Variants in CSMD1 observed in about 807,000 individuals in gnomAD.
The protein encoded by CSMD1 is CUB and sushi domain-containing protein 1.
A neutral mutation model predicts 417.5 loss-of-function variants in CSMD1; 213 were observed. The ratio of observed to expected loss-of-function variants is 0.51; its 90% CI spans 0.46 to 0.57. The LOEUF (loss-of-function observed/expected upper bound fraction) is 0.57, where lower values mean the gene tolerates loss of function less well. Among genes scored for constraint, CSMD1 ranks in the 20% least tolerant of loss-of-function variants. CSMD1 has a pLI of 0.00. For missense variants in CSMD1, 6,923 were observed against 4,529.7 expected (o/e 1.53, Z -15.17); for synonymous variants, 2,862 against 1,736.8 (o/e 1.65, Z -16.11).
intron 1 of CSMD1, among the ~76,000 whole-genome samples, chr8:4,738,534 C>T (rs193253393): frequency 3.1e-4 from 47 of 152,218 alleles, no homozygotes; most frequent in Admixed American, 1.7e-3. Flanking sequence ...CACCTGGCCA[C>T]TCCCATAACA....
intron 3 of CSMD1, among the ~76,000 whole-genome samples, chr8:4,277,567 G>C (rs1243097305): frequency 1.3e-5 from 2 of 152,068 alleles, no homozygotes; most frequent in African/African-American, 4.8e-5. Flanking sequence ...GGATAGAGCT[G>C]CATGTCTATA....
rs1483252217 is a variant in CSMD1 at position 4,855,578 on chromosome 8, TG to T, written c.85+138753del. On this transcript the variant is annotated intron_variant, in intron 1 of 69. Transcript: ENST00000635120. Reference sequence around the variant, plus strand: ...ACCAAGAACTGCTTAAAGGAGCTGATGGAGCTGAAAACCAAGGCGCGAGAAC... The same window carrying T: ...ACCAAGAACTGCTTAAAGGAGCTGATGAGCTGAAAACCAAGGCGCGAGAAC... Among the ~76,000 whole-genome samples the T allele has an allele frequency of 2.0e-5, 3 of 152,122 alleles. No individual in the cohort carries two copies. In the East Asian group the frequency reaches 5.8e-4, roughly 29 times the overall value.
intron 26 of CSMD1, among the ~76,000 whole-genome samples, chr8:3,266,357 G>A (rs1163259188): frequency 6.6e-6 from 1 of 151,882 alleles, no homozygotes; most frequent in Non-Finnish European, 1.5e-5. Flanking sequence ...TGTAATCCCA[G>A]CACTGTGGGA....
chr8:4,699,336 G>C (rs1034942680), intron 1 of CSMD1, among the ~76,000 whole-genome samples: 1 of 152,104 alleles, frequency 6.6e-6, no homozygotes. Flanking sequence ...TACTGCATAA[G>C]AAAATTGTTT....
chr8:3,277,276 G>A (rs529967953), intron 26 of CSMD1, among the ~76,000 whole-genome samples: 2 of 152,138 alleles, frequency 1.3e-5, no homozygotes, highest in Admixed American at 6.5e-5. Context: ...TGAGAAGATA[G>A]GGGAGAGTTC....
chr8:4,581,625 A>G (rs557052265), intron 2 of CSMD1, among the ~76,000 whole-genome samples: 1 of 152,334 alleles, frequency 6.6e-6, no homozygotes, highest in Admixed American at 6.5e-5. Context: ...TTGATTCCTC[A>G]GTGTTAAAAG....
intron 3 of CSMD1, among the ~76,000 whole-genome samples, chr8:4,204,675 G>C (rs977552188): frequency 3.3e-5 from 5 of 152,060 alleles, no homozygotes; most frequent in African/African-American, 7.2e-5. Flanking sequence ...AGTATTTTGA[G>C]ACACAGTTTC....
intron 3 of CSMD1, among the ~76,000 whole-genome samples, chr8:4,045,349 G>A (rs1362649092): frequency 6.6e-6 from 1 of 152,180 alleles, no homozygotes; most frequent in East Asian, 1.9e-4. Flanking sequence ...TATGATATGA[G>A]CAGACGAACG....
chr8:3,598,179 C>A (rs187083123), intron 8 of CSMD1: 38 of 152,232 alleles, frequency 2.5e-4, no homozygotes, highest in African/African-American at 8.7e-4. Context: ...GAAAAGGGAT[C>A]CTGTGGATAT....
intron 2 of CSMD1, among the ~76,000 whole-genome samples, chr8:4,581,435 C>G (rs1371080640): frequency 6.6e-6 from 1 of 152,106 alleles, no homozygotes; most frequent in African/African-American, 2.4e-5. Context: ...CTTGGCAGAT[C>G]TAGCAAGCAG....
At chr8:3,184,472 C>A (rs1438458452) in intron 36 of CSMD1, among the ~76,000 whole-genome samples, 1 of 152,174 alleles carries the variant, frequency 6.6e-6, no homozygotes, top group African/African-American at 2.4e-5. Context: ...CAGCTTTAAT[C>A]TGTCTTCAGT....
intron 3 of CSMD1, among the ~76,000 whole-genome samples, chr8:4,345,740 C>A (rs1157733533): frequency 1.3e-5 from 2 of 151,980 alleles, no homozygotes; most frequent in African/African-American, 4.8e-5. Context: ...AAATGCAAAT[C>A]AGAACTATAA....
intron 2 of CSMD1, among the ~76,000 whole-genome samples, chr8:4,449,816 T>TCC (rs1263726092): frequency 2.6e-5 from 4 of 152,012 alleles, no homozygotes; most frequent in Non-Finnish European, 5.9e-5. Context: ...CCTGCAAGCT[T>TCC]CCCCTCCTAC....
chr8:3,512,922 G>C (rs961988130), intron 10 of CSMD1, among the ~76,000 whole-genome samples: 1 of 151,996 alleles, frequency 6.6e-6, no homozygotes, highest in Non-Finnish European at 1.5e-5. Context: ...TGTAACACGT[G>C]GGCCCGTTGT....
chr8:3,354,437 A>C (rs542409223), intron 21 of CSMD1, among the ~76,000 whole-genome samples: 13 of 138,146 alleles, frequency 9.4e-5, no homozygotes, highest in African/African-American at 3.4e-4. Context: ...ACAGAAATAG[A>C]AAACAGCTCA....
At chr8:4,447,705 A>G (rs962959665) in intron 2 of CSMD1, among the ~76,000 whole-genome samples, 4 of 152,222 alleles carry the variant, frequency 2.6e-5, no homozygotes, top group Non-Finnish European at 4.4e-5. Flanking sequence ...AAGTGCACTC[A>G]TAGTTAATAA....
At chr8:3,196,329 T>C (rs1301281290) in intron 33 of CSMD1, among the ~76,000 whole-genome samples, 1 of 152,164 alleles carries the variant, frequency 6.6e-6, no homozygotes, top group Middle Eastern at 3.2e-3. Context: ...TCATTTAGCA[T>C]ATAATCAAGA....
At chr8:3,750,417 A>G (rs1435079695) in intron 6 of CSMD1, among the ~76,000 whole-genome samples, 1 of 151,428 alleles carries the variant, frequency 6.6e-6, no homozygotes, top group East Asian at 1.9e-4. Flanking sequence ...AAAGATGAAA[A>G]TAACACAATA....
chr8:3,728,354 A>C (rs1424821343), intron 6 of CSMD1, among the ~76,000 whole-genome samples: 1 of 152,172 alleles, frequency 6.6e-6, no homozygotes, highest in African/African-American at 2.4e-5. Context: ...GGAGTCCATT[A>C]AACCTCGTTC....
Sources: allele counts gnomAD v4.1 joint callset (sites outside exome capture counted in the v4.1 genomes callset), GRCh38; gene constraint gnomAD v4.1.1; transcripts MANE v1.5; gene names NCBI Gene and HGNC (gene_info 2026-07-23, HGNC 2026-07-21).